The following RAB1A variants were observed in gnomAD, a reference collection of about 807,000 sequenced individuals.
The protein encoded by RAB1A is ras-related protein Rab-1A.
A neutral mutation model predicts 26.0 loss-of-function variants in RAB1A; 2 were observed. The observed-to-expected ratio is 0.08, with a 90% confidence interval of 0.03 to 0.24. The LOEUF is 0.24. Among genes scored for constraint, RAB1A ranks in the 10% least tolerant of loss-of-function variants. The pLI, the probability that RAB1A is intolerant of heterozygous loss-of-function variation, is 1.00. For missense variants in RAB1A, 100 were observed against 247.0 expected, an observed-to-expected ratio of 0.40 and a Z score of 3.99; for synonymous variants, 84 against 84.9, an observed-to-expected ratio of 0.99 and a Z score of 0.06.
At chr2:65,089,288 C>T (rs187627811) in intron 4 of RAB1A, among the ~76,000 whole-genome samples, 8 of 152,264 alleles carry the variant, frequency 5.3e-5, no homozygotes, top group Admixed American at 3.9e-4. Context: ...TCACAGCTCA[C>T]TGCACCCTCG....
At chr2:65,111,634 T>TC (rs1669696754) in intron 1 of RAB1A, among the ~76,000 whole-genome samples, 1 of 152,210 alleles carries the variant, frequency 6.6e-6, no homozygotes, top group Non-Finnish European at 1.5e-5. Flanking sequence ...AATGTTTATT[T>TC]CTTAATTTGG....
chr2:65,125,423 C>CTTTTTTT (rs35048150), intron 1 of RAB1A, among the ~76,000 whole-genome samples: 2 of 127,282 alleles, frequency 1.6e-5, no homozygotes, highest in Admixed American at 8.0e-5. Flanking sequence ...GTATTTCTTT[C>CTTTTTTT]TTTTTTTTTT....
At chr2:65,098,669 C>G (rs1449423736) in intron 2 of RAB1A, among the ~76,000 whole-genome samples, 2 of 151,988 alleles carry the variant, frequency 1.3e-5, no homozygotes, top group African/African-American at 2.4e-5. Flanking sequence ...CAGAAAGAAC[C>G]CGTCTTCACT....
At chr2:65,115,664 G>A (rs1019813006) in intron 1 of RAB1A, among the ~76,000 whole-genome samples, 22 of 152,084 alleles carry the variant, frequency 1.4e-4, no homozygotes, top group African/African-American at 5.1e-4. Context: ...CCAGAAATCT[G>A]AGAGGGCAAT....
At chr2:65,098,116 T>C (rs1669332799) in intron 2 of RAB1A, 50 bp from the exon 3 acceptor site, 1 of 1,108,240 alleles carries the variant, frequency 9.0e-7, no homozygotes, top group East Asian at 2.9e-5. Flanking sequence ...GTGGAGCAGA[T>C]GCAAGTCTAA....
intron 1 of RAB1A, among the ~76,000 whole-genome samples, chr2:65,123,275 A>C (rs1381499672): frequency 6.8e-6 from 1 of 147,712 alleles, no homozygotes; most frequent in African/African-American, 2.5e-5. Context: ...GGTTCAAATG[A>C]TTCTCCTGCC....
At chr2:65,099,029 G>A (rs1669357466) in intron 2 of RAB1A, among the ~76,000 whole-genome samples, 1 of 151,860 alleles carries the variant, frequency 6.6e-6, no homozygotes, top group South Asian at 2.1e-4. Context: ...TAGAGACAGG[G>A]TTTCGTGATG....
intron 1 of RAB1A, 125 bp from the exon 2 acceptor site, chr2:65,104,931 T>C: frequency 1.2e-6 from 1 of 854,774 alleles, no homozygotes; most frequent in Non-Finnish European, 2.0e-6. Flanking sequence ...ATAAAGCCCA[T>C]GCATGGCTTA....
intron 2 of RAB1A, among the ~76,000 whole-genome samples, chr2:65,101,529 T>A (rs1175269037): frequency 1.3e-5 from 2 of 152,112 alleles, no homozygotes; most frequent in Non-Finnish European, 2.9e-5. Context: ...GCAATGGACA[T>A]CCCAGAGAGG....
intron 1 of RAB1A, among the ~76,000 whole-genome samples, chr2:65,126,569 C>T (rs1307096698): frequency 1.3e-5 from 2 of 152,136 alleles, no homozygotes; most frequent in Admixed American, 1.3e-4. Context: ...CCAAATTTAG[C>T]AGAACCCATT....
intron 4 of RAB1A, 126 bp downstream of exon 4, chr2:65,090,856 TG>T: frequency 2.0e-6 from 1 of 488,674 alleles, no homozygotes; most frequent in South Asian, 5.7e-5. Context: ...TATTTGAGAG[TG>T]GACAAAGTTT....
intron 2 of RAB1A, among the ~76,000 whole-genome samples, chr2:65,102,308 G>C (rs1033764161): frequency 6.6e-6 from 1 of 151,856 alleles, no homozygotes; most frequent in Non-Finnish European, 1.5e-5. Context: ...CAAGATTAAA[G>C]AGCCACCTAT....
Position 65,088,445 on chromosome 2 carries a change from G to A in RAB1A, c.*48C>T. Reference sequence around the variant, plus strand: ...TCAGGCAATTTTGTTTTTTCACTTGGGTTCAGATTGCAAATTCATTGCTGT... The same window carrying A: ...TCAGGCAATTTTGTTTTTTCACTTGAGTTCAGATTGCAAATTCATTGCTGT... On this transcript the variant is annotated 3_prime_UTR_variant, in exon 6 of 6. Transcript: ENST00000409784. The A allele has an allele frequency of 6.6e-7, 1 of 1,509,308 alleles. No homozygotes were observed. The highest frequency in any genetic ancestry group is 2.4e-5 in the East Asian group (1 of 42,244). 93.5% of individuals were successfully genotyped at this position (1,509,308 alleles called of 1,614,324 possible). A position where few individuals can be genotyped will look rare whatever the true frequency, so the allele number is the denominator to read the frequency against.
rs752279710 is a variant in RAB1A at position 65,088,999 on chromosome 2, C to A, written c.360G>T (p.Leu120Phe). The A allele has an allele frequency of 1.2e-6, 2 of 1,610,312 alleles. No individual in the cohort carries two copies. The highest frequency in any genetic ancestry group is 8.5e-7 in the Non-Finnish European group (1 of 1,177,784). ...DRYASENVNK[L>F]LVGNKCDLTT... is the part of the protein sequence containing the mutation. The stretch of plus-strand genomic sequence containing the variant: ...TCAGATCACATTTGTTCCCTACCAA[C>A]AATTTGTTGACATTTTCACTGGCAT... The change falls in exon 5 of 6, where the codon TTG (leucine) becomes TTT (phenylalanine). Residue 120 changes from leucine (L) to phenylalanine (F), a missense_variant. Physicochemically the swap from Leu to Phe is conservative, Grantham distance 22. This residue lies in a region of RAB1A where 67 missense variants were observed against 122.9 expected (regional missense o/e 0.55). Coordinates refer to ENST00000409784, the MANE Select transcript of RAB1A (RefSeq NM_004161.5).
chr2:65,125,140 G>A (rs1054137800), intron 1 of RAB1A, among the ~76,000 whole-genome samples: 5 of 151,654 alleles, frequency 3.3e-5, no homozygotes, highest in Admixed American at 6.6e-5. Context: ...AGAGATTCTG[G>A]AGCCATGATA....
chr2:65,090,449 TTCCC>T (rs1433779918), intron 4 of RAB1A, among the ~76,000 whole-genome samples: 3 of 152,306 alleles, frequency 2.0e-5, no homozygotes, highest in African/African-American at 7.2e-5. Flanking sequence ...TCCCACATTG[TTCCC>T]TCCATCGCTC....
chr2:65,121,977 G>A (rs1186381690), intron 1 of RAB1A, among the ~76,000 whole-genome samples: 2 of 151,866 alleles, frequency 1.3e-5, no homozygotes, highest in Admixed American at 6.6e-5. Flanking sequence ...TGGCCAACAT[G>A]GTGAAACCCC....
intron 1 of RAB1A, among the ~76,000 whole-genome samples, chr2:65,113,909 G>A (rs1669761854): frequency 1.3e-5 from 2 of 152,120 alleles, no homozygotes; most frequent in Admixed American, 6.6e-5. Flanking sequence ...TTAACAACCT[G>A]CAGTAAGCTT....
intron 3 of RAB1A, among the ~76,000 whole-genome samples, chr2:65,094,988 G>A (rs1189278058): frequency 6.6e-6 from 1 of 152,092 alleles, no homozygotes; most frequent in Admixed American, 6.6e-5. Flanking sequence ...CAAGGCGGAG[G>A]AATAAGAAGA....
Sources: gnomAD v4.1 joint callset for allele counts (sites outside exome capture counted in the v4.1 genomes callset) on GRCh38, gnomAD v4.1.1 for gene constraint, gnomAD v4.1.1 regional missense constraint, MANE v1.5 for transcripts, NCBI Gene and HGNC (gene_info 2026-07-23, HGNC 2026-07-21) for gene names.